The following ARPP21 variants were observed in gnomAD, a reference collection of about 807,000 sequenced individuals.
ARPP21 encodes the protein cAMP regulated phosphoprotein 21.
Under a neutral mutation model 113.2 loss-of-function variants are expected in ARPP21, and 69 were observed. The observed-to-expected ratio is 0.61, with a 90% confidence interval of 0.50 to 0.74. The LOEUF (loss-of-function observed/expected upper bound fraction) is 0.74, where lower values mean the gene tolerates loss of function less well. ARPP21 is among the 30% of genes least tolerant of loss of function. The pLI, the probability that ARPP21 is intolerant of heterozygous loss-of-function variation, is 0.00. For missense variants in ARPP21, 1,070 were observed against 1,037.4 expected (o/e 1.03, Z -0.43); for synonymous variants, 368 against 375.5 (o/e 0.98, Z 0.23).
At chr3:35,780,366 T>C in intron 19 of ARPP21, among the ~76,000 whole-genome samples, 1 of 151,708 alleles carries the variant, frequency 6.6e-6, no homozygotes, top group African/African-American at 2.4e-5. Context: ...AAGTGGGGAG[T>C]GCAAAGAATG....
intron 19 of ARPP21, among the ~76,000 whole-genome samples, chr3:35,754,279 G>T (rs920118133): frequency 1.3e-5 from 2 of 151,836 alleles, no homozygotes; most frequent in Admixed American, 1.3e-4. Flanking sequence ...GAGGAAATAG[G>T]TGTAACTAAT....
chr3:35,791,790 C>T (rs1194267582), intron 19 of ARPP21, among the ~76,000 whole-genome samples: 1 of 152,144 alleles, frequency 6.6e-6, no homozygotes, highest in African/African-American at 2.4e-5. Flanking sequence ...AGAAGAAAAG[C>T]ATCACATGCG....
chr3:35,763,561 C>T lies in ARPP21; in HGVS notation c.2137+19596C>T, dbSNP rs886547107. 2.0e-5 allele frequency among the ~76,000 whole-genome samples: 3 copies of T among 152,096 alleles called. No individual in the cohort carries two copies. The South Asian group carries it at 6.2e-4, about 32-fold the overall frequency. On this transcript the variant is annotated intron_variant, in intron 19 of 20. Coordinates refer to ENST00000684406, the MANE Select transcript of ARPP21 (RefSeq NM_001385562.1). ...ATGGACAAGAGCTATTATCTAATCC[C>T]ATGGAACCACATGGAGCTTGGACGG...
chr3:35,656,352 A>T (rs1224986329), intron 1 of ARPP21, among the ~76,000 whole-genome samples: 1 of 152,124 alleles, frequency 6.6e-6, no homozygotes, highest in Non-Finnish European at 1.5e-5. Flanking sequence ...AAAACTGTCA[A>T]CACAAAAATG....
intron 19 of ARPP21, among the ~76,000 whole-genome samples, chr3:35,772,203 G>A (rs759146335): frequency 7.2e-5 from 11 of 152,032 alleles, no homozygotes; most frequent in African/African-American, 1.2e-4. Flanking sequence ...TGAAGTATCC[G>A]TATCAGTTAT....
chr3:35,650,214 C>CAAGTT (rs1701862151), intron 1 of ARPP21: 1 of 152,072 alleles, frequency 6.6e-6, no homozygotes, highest in Non-Finnish European at 1.5e-5. Context: ...CCATGGAAGC[C>CAAGTT]AAGTTAAGTA....
At chr3:35,779,398 T>C (rs935874204) in intron 19 of ARPP21, among the ~76,000 whole-genome samples, 1 of 152,112 alleles carries the variant, frequency 6.6e-6, no homozygotes, top group African/African-American at 2.4e-5. Flanking sequence ...GGCATGTATG[T>C]TGGGGAAGTT....
intron 1 of ARPP21, among the ~76,000 whole-genome samples, chr3:35,665,946 C>G (rs1325049337): frequency 2.0e-5 from 3 of 152,016 alleles, no homozygotes; most frequent in Non-Finnish European, 4.4e-5. Flanking sequence ...GTTGTGGTTT[C>G]TAAAACACCC....
At chr3:35,728,494 A>T (rs1044581345) in intron 14 of ARPP21, among the ~76,000 whole-genome samples, 1 of 150,244 alleles carries the variant, frequency 6.7e-6, no homozygotes, top group Non-Finnish European at 1.5e-5. Context: ...CTGGGATTAC[A>T]GGCGTGAACC....
intron 1 of ARPP21, among the ~76,000 whole-genome samples, chr3:35,663,465 T>A (rs185009052): frequency 5.9e-5 from 9 of 152,350 alleles, no homozygotes; most frequent in East Asian, 5.8e-4. Flanking sequence ...GGAAATTTTT[T>A]AAATGTGCAC....
At chr3:35,653,315 A>T (rs1036947214) in intron 1 of ARPP21, among the ~76,000 whole-genome samples, 1 of 152,038 alleles carries the variant, frequency 6.6e-6, no homozygotes, top group Admixed American at 6.6e-5. Flanking sequence ...TTGTAATATG[A>T]ATTACCCTGT....
intron 9 of ARPP21, among the ~76,000 whole-genome samples, chr3:35,706,280 A>C (rs1316732358): frequency 6.6e-6 from 1 of 152,174 alleles, no homozygotes; most frequent in African/African-American, 2.4e-5. Context: ...AATAATACCA[A>C]ATGATTAAAA....
intron 19 of ARPP21, among the ~76,000 whole-genome samples, chr3:35,790,077 T>A (rs954306587): frequency 1.3e-5 from 2 of 152,194 alleles, no homozygotes; most frequent in Non-Finnish European, 2.9e-5. Context: ...TCTTTTTTGT[T>A]GTTGTTTGTT....
At chr3:35,748,046 GAA>G (rs147302751) in intron 19 of ARPP21, among the ~76,000 whole-genome samples, 285 of 124,604 alleles carry the variant, frequency 2.3e-3, no homozygotes, top group African/African-American at 8.3e-3. Flanking sequence ...AGGAGAGAGA[GAA>G]AGAAAAGGAA....
intron 11 of ARPP21, 104 bp from the exon 12 acceptor site, chr3:35,715,335 C>T (rs569438149): frequency 1.1e-6 from 1 of 876,430 alleles, no homozygotes. Flanking sequence ...TTTCTTAATT[C>T]TTTTCCCCTA....
At chr3:35,642,495 T>A (rs961601874) in intron 1 of ARPP21, 3 of 152,154 alleles carry the variant, frequency 2.0e-5, no homozygotes, top group Admixed American at 2.0e-4. Context: ...TAGAGAATTA[T>A]ACATGAATAG....
At chr3:35,788,908 G>A (rs2096686843) in intron 19 of ARPP21, among the ~76,000 whole-genome samples, 1 of 152,100 alleles carries the variant, frequency 6.6e-6, no homozygotes, top group African/African-American at 2.4e-5. Flanking sequence ...CTCGATCTTT[G>A]CCAAGTGCGT....
rs140013401 is a variant in ARPP21 at position 35,695,894 on chromosome 3, C to T, written c.686+4889C>T. Among the ~76,000 whole-genome samples, 13 of 151,524 alleles carry T rather than the reference C, an allele frequency of 8.6e-5. No individual in the cohort carries two copies. In the East Asian group the frequency reaches 2.5e-3, roughly 30 times the overall value. On this transcript the variant is annotated intron_variant, in intron 9 of 20. Coordinates refer to ENST00000684406, the MANE Select transcript of ARPP21 (RefSeq NM_001385562.1). Reference sequence around the variant, plus strand: ...CTAACTTTACTGAAGAGAATATGTACCAAAGGGAAATTAGTGAATTGTCTA... The same window carrying T: ...CTAACTTTACTGAAGAGAATATGTATCAAAGGGAAATTAGTGAATTGTCTA...
intron 1 of ARPP21, among the ~76,000 whole-genome samples, chr3:35,656,195 TTC>T (rs1559523048): frequency 6.6e-6 from 1 of 152,064 alleles, no homozygotes. Flanking sequence ...GAATACAAAT[TTC>T]TCTCTAAGAT....
Sources: allele counts gnomAD v4.1 joint callset (sites outside exome capture counted in the v4.1 genomes callset), GRCh38; gene constraint gnomAD v4.1.1; transcripts MANE v1.5; gene names NCBI Gene and HGNC (gene_info 2026-07-23, HGNC 2026-07-21).